The following MAST4 variants were observed in gnomAD, a reference collection of about 807,000 sequenced individuals.
MAST4 encodes the protein microtubule associated serine/threonine kinase family member 4.
In MAST4, 89 loss-of-function variants were observed where a neutral mutation model predicts 162.7. The observed-to-expected ratio is 0.55, with a 90% CI of 0.46 to 0.65. The LOEUF is 0.65. MAST4 is among the 30% of genes least tolerant of loss of function. The pLI, the probability that MAST4 is intolerant of heterozygous loss-of-function variation, is 0.00. For missense variants in MAST4, 3,153 were observed against 3,374.0 expected (o/e 0.93, Z 1.62); for synonymous variants, 1,479 against 1,361.1 (o/e 1.09, Z -1.91).
intron 1 of MAST4, among the ~76,000 whole-genome samples, chr5:66,701,837 C>T (rs938538674): frequency 6.6e-6 from 1 of 151,722 alleles, no homozygotes; most frequent in Admixed American, 6.6e-5. Flanking sequence ...AATGAAAATT[C>T]CCTATGAGAA....
At chr5:66,799,890 T>C (rs971702941) in intron 3 of MAST4, among the ~76,000 whole-genome samples, 2 of 152,064 alleles carry the variant, frequency 1.3e-5, no homozygotes, top group Non-Finnish European at 2.9e-5. Flanking sequence ...ATCTGGAAAA[T>C]GGGAATATTA....
chr5:67,124,178 G>A (rs1057140609), intron 14 of MAST4, among the ~76,000 whole-genome samples: 61 of 152,272 alleles, frequency 4.0e-4, no homozygotes, highest in African/African-American at 1.4e-3. Flanking sequence ...CTTTGGTTAC[G>A]TCTTCCCTGC....
At chr5:66,778,564 A>T (rs991126012) in intron 2 of MAST4, among the ~76,000 whole-genome samples, 1 of 152,236 alleles carries the variant, frequency 6.6e-6, no homozygotes, top group African/African-American at 2.4e-5. Flanking sequence ...GAACAAGTTA[A>T]GGGAAAGTAA....
intron 4 of MAST4, among the ~76,000 whole-genome samples, chr5:66,934,589 T>C (rs1027203687): frequency 1.3e-5 from 2 of 151,476 alleles, no homozygotes; most frequent in African/African-American, 4.9e-5. Flanking sequence ...TTTTTTTTTT[T>C]CAGATTGCAG....
intron 4 of MAST4, among the ~76,000 whole-genome samples, chr5:66,920,329 A>C (rs1024286785): frequency 2.6e-5 from 4 of 152,200 alleles, no homozygotes; most frequent in African/African-American, 9.6e-5. Context: ...AATATAAAAA[A>C]TTAGAGTATA....
chr5:66,656,597 G>A (rs1264712305), intron 1 of MAST4, among the ~76,000 whole-genome samples: 1 of 152,178 alleles, frequency 6.6e-6, no homozygotes, highest in Non-Finnish European at 1.5e-5. Flanking sequence ...CTCTAGATTC[G>A]ATTAAAAAAA....
chr5:66,915,816 T>C (rs1764079111), intron 4 of MAST4, among the ~76,000 whole-genome samples: 1 of 152,224 alleles, frequency 6.6e-6, no homozygotes, highest in East Asian at 1.9e-4. Flanking sequence ...CCTTCCTGGC[T>C]CACCCCTTAG....
At chr5:67,036,246 G>A (rs1003754531) in intron 4 of MAST4, among the ~76,000 whole-genome samples, 2 of 151,850 alleles carry the variant, frequency 1.3e-5, no homozygotes, top group Non-Finnish European at 2.9e-5. Context: ...TCTAGCTTCT[G>A]CCTTTCTGCT....
At chr5:67,052,689 CAATA>C (rs1291173994) in intron 4 of MAST4, among the ~76,000 whole-genome samples, 1 of 151,876 alleles carries the variant, frequency 6.6e-6, no homozygotes, top group Non-Finnish European at 1.5e-5. Context: ...TGCATATAAA[CAATA>C]AATATGTTGA....
At chr5:66,857,186 A>G (rs1759751799) in intron 3 of MAST4, among the ~76,000 whole-genome samples, 1 of 152,172 alleles carries the variant, frequency 6.6e-6, no homozygotes, top group Admixed American at 6.5e-5. Context: ...TTCCCCACTC[A>G]GAATAGATTT....
intron 1 of MAST4, among the ~76,000 whole-genome samples, chr5:66,647,559 A>G (rs1448802636): frequency 7.3e-6 from 1 of 137,234 alleles, no homozygotes; most frequent in Non-Finnish European, 1.6e-5. Context: ...TATTTCAAAT[A>G]AGGAAAAAAA....
intron 4 of MAST4, among the ~76,000 whole-genome samples, chr5:67,034,037 G>A (rs1390829002): frequency 6.6e-6 from 1 of 152,136 alleles, no homozygotes; most frequent in East Asian, 1.9e-4. Context: ...AGAGATTAGA[G>A]CATAAACCAG....
intron 4 of MAST4, among the ~76,000 whole-genome samples, chr5:67,005,403 T>A (rs1751902067): frequency 6.6e-6 from 1 of 152,230 alleles, no homozygotes; most frequent in African/African-American, 2.4e-5. Context: ...CCCTTTGACC[T>A]GATCATGTTT....
chr5:67,093,795 A>G (rs1484649617), intron 6 of MAST4, among the ~76,000 whole-genome samples: 1 of 152,220 alleles, frequency 6.6e-6, no homozygotes, highest in Non-Finnish European at 1.5e-5. Context: ...CTCTTTCCAG[A>G]GACTAGTTTC....
At chr5:66,941,732 A>G (rs1435964279) in intron 4 of MAST4, among the ~76,000 whole-genome samples, 1 of 152,120 alleles carries the variant, frequency 6.6e-6, no homozygotes, top group Non-Finnish European at 1.5e-5. Context: ...GGCTTTTGAC[A>G]TTCCTCATGA....
chr5:66,831,519 C>A (rs1041673162), intron 3 of MAST4, among the ~76,000 whole-genome samples: 2 of 152,086 alleles, frequency 1.3e-5, no homozygotes, highest in African/African-American at 4.8e-5. Context: ...AAGTTCAGTA[C>A]CTCTAGTTTT....
At chr5:66,878,599 C>T (rs560290337) in intron 3 of MAST4, among the ~76,000 whole-genome samples, 5 of 152,218 alleles carry the variant, frequency 3.3e-5, no homozygotes, top group African/African-American at 4.8e-5. Flanking sequence ...GGGGCATGGA[C>T]TGTGCTGGGC....
At chr5:66,709,232 TA>T (rs890911934) in intron 1 of MAST4, among the ~76,000 whole-genome samples, 67 of 150,622 alleles carry the variant, frequency 4.4e-4, no homozygotes, top group Admixed American at 2.3e-3. Context: ...TGTTTGAAAT[TA>T]AAAAAAAAAT....
chr5:67,011,092 A>G (rs1373762383), intron 4 of MAST4, among the ~76,000 whole-genome samples: 7 of 152,028 alleles, frequency 4.6e-5, no homozygotes, highest in African/African-American at 1.5e-4. Context: ...TGGAAGCTCA[A>G]ATTTCTTCCG....
Sources: allele counts gnomAD v4.1 joint callset (sites outside exome capture counted in the v4.1 genomes callset), GRCh38; gene constraint gnomAD v4.1.1; transcripts MANE v1.5; gene names NCBI Gene and HGNC (gene_info 2026-07-23, HGNC 2026-07-21).